Variants in ABR observed in about 807,000 individuals in gnomAD.
The protein encoded by ABR is active breakpoint cluster region-related protein.
In ABR, 35 loss-of-function variants were observed where a neutral mutation model predicts 107.2. The ratio of observed to expected loss-of-function variants is 0.33; its 90% CI spans 0.25 to 0.43. The LOEUF (loss-of-function observed/expected upper bound fraction) is 0.43, where lower values mean the gene tolerates loss of function less well. Ranked by LOEUF, ABR falls within the 20% of genes least tolerant of loss-of-function variation. The pLI is 1.00. For synonymous variants in ABR, 498 were observed against 462.0 expected (o/e 1.08, Z -1.00); for missense variants, 815 against 1,115.2 (o/e 0.73, Z 3.83).
At chr17:1,162,221 C>T (rs80186349) in intron 1 of ABR, among the ~76,000 whole-genome samples, 2,354 of 152,324 alleles carry the variant, frequency 0.015, 58 homozygotes, top group East Asian at 0.1. Context: ...AGAACAGCGC[C>T]GTGAACACAC....
At chr17:1,205,044 C>T (rs1332813790) in intron 1 of ABR, among the ~76,000 whole-genome samples, 1 of 151,296 alleles carries the variant, frequency 6.6e-6, no homozygotes, top group Non-Finnish European at 1.5e-5. Flanking sequence ...GCTGGGATAA[C>T]GGGTGCACCA....
intron 1 of ABR, among the ~76,000 whole-genome samples, chr17:1,133,227 A>G (rs2039922278): frequency 6.7e-6 from 1 of 149,364 alleles, no homozygotes; most frequent in South Asian, 2.1e-4. Context: ...TGGCAGCAAG[A>G]GCAAAACTCC....
Position 1,006,238 on chromosome 17 carries a change from G to C in ABR, c.2491-69C>G, listed in dbSNP as rs1297516814. 2.2e-6 allele frequency: 3 copies of C among 1,369,022 alleles called. No individual in the cohort carries two copies. In the Admixed American group the frequency reaches 5.9e-5, roughly 27 times the overall value. 84.8% of individuals were successfully genotyped at this position (1,369,022 alleles called of 1,614,324 possible). ...GCCTCGTCCTTGCTGACTCCAGCCT[G>C]TGTTGCCCCTCCCACTCCCTAGACT... is the stretch of plus-strand genomic sequence containing the variant. On this transcript the variant is annotated intron_variant, in intron 22 of 22. Coordinates refer to ENST00000302538, the MANE Select transcript of ABR (RefSeq NM_021962.5).
chr17:1,012,893 G>A, intron 17 of ABR, 96 bp from the exon 18 acceptor site: 1 of 1,153,030 alleles, frequency 8.7e-7, no homozygotes, highest in Admixed American at 2.0e-5. Flanking sequence ...GACTGCAAAT[G>A]AGGGCTAGCT....
intron 2 of ABR, among the ~76,000 whole-genome samples, chr17:1,108,037 C>T (rs916614941): frequency 7.2e-5 from 11 of 152,202 alleles, no homozygotes; most frequent in African/African-American, 2.4e-4. Context: ...CTGCACATGC[C>T]TTCTAGGCCC....
At chr17:1,056,880 C>A in intron 13 of ABR, 118 bp downstream of exon 13, 1 of 686,718 alleles carries the variant, frequency 1.5e-6, no homozygotes, top group Non-Finnish European at 2.6e-6. Context: ...AGTCTCAGCA[C>A]AGCCGAGCAG....
intron 13 of ABR, among the ~76,000 whole-genome samples, 189 bp downstream of exon 13, chr17:1,056,809 G>C (rs1013192238): frequency 1.3e-5 from 2 of 152,142 alleles, no homozygotes; most frequent in African/African-American, 2.4e-5. Context: ...GGAAAAGCTG[G>C]GGTCATCTGG....
intron 1 of ABR, among the ~76,000 whole-genome samples, chr17:1,136,533 A>C (rs1408902591): frequency 6.6e-6 from 1 of 151,970 alleles, no homozygotes. Flanking sequence ...CTGGCCAAAA[A>C]TCTGATGTTT....
chr17:1,166,831 C>G (rs1425507165), intron 1 of ABR, among the ~76,000 whole-genome samples: 2 of 152,262 alleles, frequency 1.3e-5, no homozygotes, highest in African/African-American at 2.4e-5. Context: ...GTAACCCTGT[C>G]TCTACTAAAA....
intron 1 of ABR, among the ~76,000 whole-genome samples, chr17:1,167,198 T>A (rs2041546883): frequency 6.6e-6 from 1 of 151,824 alleles, no homozygotes; most frequent in South Asian, 2.1e-4. Flanking sequence ...GTCTCCAGTA[T>A]CCCCTTCTGA....
rs958254222 is a variant in ABR at position 1,070,552 on chromosome 17, C to G, written c.895-462G>C. 1.3e-5 allele frequency among the ~76,000 whole-genome samples: 2 copies of G among 152,114 alleles called. No homozygotes were observed. Among genetic ancestry groups the G allele is most frequent in the African/African-American group, 4.8e-5 (2 of 41,420 alleles). ...TCCCGACCGCGGCGGCGAACTTCAT[C>G]TAGCCCCGGCTCAACCGAGACCCGA... On this transcript the variant is annotated intron_variant, in intron 8 of 22. Coordinates refer to ENST00000302538, the MANE Select transcript of ABR (RefSeq NM_021962.5). This position sits in a 1 kb window ranked among gnomAD's most constrained non-coding sequence, Gnocchi z 4.2.
At position 1,100,620 on chromosome 17, in the gene ABR, G is replaced by A. The variant is rs1217265143; in HGVS notation, c.345+17C>T. On this transcript the variant is annotated intron_variant, in intron 3 of 22. Coordinates refer to ENST00000302538, the MANE Select transcript of ABR (RefSeq NM_021962.5). The stretch of plus-strand genomic sequence containing the variant: ...GGCGGGGGGACCGGAAGGCCCCAGA[G>A]CAGGGACTGTACTCACCAGCAACAG... The A allele has an allele frequency of 1.3e-5, 21 of 1,612,126 alleles. No homozygotes were observed. Among genetic ancestry groups the A allele is most frequent in the Non-Finnish European group, 1.7e-5 (20 of 1,178,412 alleles).
chr17:1,169,533 G>T (rs1438281225), intron 1 of ABR, among the ~76,000 whole-genome samples: 1 of 152,200 alleles, frequency 6.6e-6, no homozygotes, highest in Admixed American at 6.5e-5. Context: ...CCCAGCCAAA[G>T]GGGGCTCCGC....
At chr17:1,117,877 C>A in intron 2 of ABR, among the ~76,000 whole-genome samples, 1 of 105,308 alleles carries the variant, frequency 9.5e-6, no homozygotes, top group Admixed American at 1.0e-4. Flanking sequence ...GAGTCCCTCC[C>A]AGCGTTAACC....
intron 20 of ABR, 129 bp from the exon 21 acceptor site, chr17:1,009,913 C>T: frequency 1.3e-6 from 1 of 755,966 alleles, no homozygotes; most frequent in Non-Finnish European, 2.2e-6. Context: ...GCAGACCCCA[C>T]AGGGGAGGGC....
At chr17:1,062,895 A>G (rs1490080343) in intron 10 of ABR, among the ~76,000 whole-genome samples, 7 of 142,778 alleles carry the variant, frequency 4.9e-5, no homozygotes, top group African/African-American at 1.8e-4. Flanking sequence ...ACTGAGGGCT[A>G]TGCATGTTCC....
intron 1 of ABR, among the ~76,000 whole-genome samples, chr17:1,134,942 C>T (rs2039991903): frequency 6.6e-6 from 1 of 152,248 alleles, no homozygotes; most frequent in Non-Finnish European, 1.5e-5. Context: ...GCACGGGCCG[C>T]TGCGGGGGTT....
chr17:1,125,395 G>A lies in ABR; in HGVS notation c.62-28C>T, dbSNP rs368587916. 10 of 1,609,208 alleles carry A rather than the reference G, an allele frequency of 6.2e-6. No individual in the cohort carries two copies. The African/African-American group carries it at 1.3e-4, about 21-fold the overall frequency. ...GAGACAAGGAACAAGAAAGGCCACT[G>A]AGAATCCTCCACCAGAGCTGCCAGG... On this transcript the variant is annotated intron_variant, in intron 1 of 22. Transcript: ENST00000302538.
intron 10 of ABR, 105 bp downstream of exon 10, chr17:1,066,970 ACT>A: frequency 8.2e-7 from 1 of 1,219,958 alleles, no homozygotes; most frequent in Non-Finnish European, 1.2e-6. Flanking sequence ...GTAACTACAC[ACT>A]CAAGGCTCCC....
Sources: allele counts gnomAD v4.1 joint callset (sites outside exome capture counted in the v4.1 genomes callset), GRCh38; gene constraint gnomAD v4.1.1; non-coding constraint Gnocchi (gnomAD v3.1); transcripts MANE v1.5; gene names NCBI Gene and HGNC (gene_info 2026-07-23, HGNC 2026-07-21).